ACOX1: variants seen among roughly 807,000 people sequenced by gnomAD.
The protein encoded by ACOX1 is acyl-CoA oxidase 1.
Under a neutral mutation model 75.5 loss-of-function variants are expected in ACOX1, and 41 were observed. That is an observed-to-expected ratio of 0.54 (90% confidence interval 0.42 to 0.70). ACOX1 has a LOEUF of 0.70. ACOX1 is among the 30% of genes least tolerant of loss of function. The pLI is 0.00. For missense variants in ACOX1, 630 were observed against 837.5 expected (o/e 0.75, Z 3.06); for synonymous variants, 303 against 298.8 (o/e 1.01, Z -0.15).
chr17:75,958,558 C>T (rs1194242208), intron 3 of ACOX1, among the ~76,000 whole-genome samples: 1 of 150,996 alleles, frequency 6.6e-6, no homozygotes, highest in African/African-American at 2.5e-5. Flanking sequence ...CCTGTAATCC[C>T]AGCACTTTGG....
Position 75,944,747 on chromosome 17 carries a change from A to G in ACOX1, c.*2001T>C, listed in dbSNP as rs2065704500. On this transcript the variant is annotated 3_prime_UTR_variant, in exon 14 of 14. Transcript: ENST00000293217. ...AAATAGCATCAAATGTCAGATTTAG[A>G]TTTTTTTTTTGAGACGGAGTCTCGC... The G allele has an allele frequency of 6.6e-6, 1 of 150,422 alleles. No homozygotes were observed. Among genetic ancestry groups the G allele is most frequent in the Non-Finnish European group, 1.5e-5 (1 of 67,428 alleles). 9.3% of individuals were successfully genotyped at this position (150,422 alleles called of 1,614,324 possible).
At chr17:75,951,929 C>T (rs1259377060) in intron 7 of ACOX1, among the ~76,000 whole-genome samples, 5 of 150,806 alleles carry the variant, frequency 3.3e-5, no homozygotes, top group Admixed American at 1.3e-4. Flanking sequence ...ATTCTCTTGC[C>T]TCAGCCTCCC....
intron 2 of ACOX1, among the ~76,000 whole-genome samples, chr17:75,975,397 G>C (rs1011037465): frequency 2.0e-5 from 3 of 152,136 alleles, no homozygotes; most frequent in East Asian, 3.9e-4. Flanking sequence ...GGCCTCAAGT[G>C]ATCTGCCCAC....
chr17:75,965,337 C>CAAAAAAAAA (rs11293371), intron 2 of ACOX1, among the ~76,000 whole-genome samples: 1 of 81,702 alleles, frequency 1.2e-5, no homozygotes, highest in Non-Finnish European at 2.6e-5. Context: ...GACTCTGTCT[C>CAAAAAAAAA]AAAAAAAAAA....
At chr17:75,972,327 CA>C (rs58820718) in intron 2 of ACOX1, among the ~76,000 whole-genome samples, 61,930 of 110,708 alleles carry the variant, frequency 0.56, 15,376 homozygotes, top group East Asian at 0.76. Flanking sequence ...ACTCTGTCTC[CA>C]AAAAAAAAAA....
chr17:75,961,759 C>CAAAAAA (rs61575984), intron 2 of ACOX1, among the ~76,000 whole-genome samples: 2 of 53,060 alleles, frequency 3.8e-5, no homozygotes, highest in Non-Finnish European at 8.0e-5. Flanking sequence ...GACTCTGTCT[C>CAAAAAA]AAAAAAAAAA....
In ACOX1 at chr17:75,943,236, T is replaced by G. The variant is rs1033255115; in HGVS notation, c.*3512A>C. On this transcript the variant is annotated 3_prime_UTR_variant, in exon 14 of 14. Transcript: ENST00000293217. ...CATCTCAAAAAAAAAAAAAAAAAAATTAACATGTTGGCCCAGTGCAGTAGC... is the reference window on the plus strand; with the variant it reads ...CATCTCAAAAAAAAAAAAAAAAAAAGTAACATGTTGGCCCAGTGCAGTAGC... 7.8e-6 allele frequency: 1 copy of G among 127,564 alleles called. No individual in the cohort carries two copies. The highest frequency in any genetic ancestry group is 3.0e-5 in the African/African-American group (1 of 33,610). 7.9% of individuals were successfully genotyped at this position (127,564 alleles called of 1,614,324 possible).
chr17:75,965,049 A>C (rs2065917847), intron 2 of ACOX1, among the ~76,000 whole-genome samples: 1 of 152,170 alleles, frequency 6.6e-6, no homozygotes, highest in Non-Finnish European at 1.5e-5. Context: ...AAAAAAAATT[A>C]ACAGCACTCA....
In ACOX1 at chr17:75,950,281, T is replaced by G. The variant is rs985257834; in HGVS notation, c.1299-384A>C. Among the ~76,000 whole-genome samples the G allele has an allele frequency of 2.7e-5, 4 of 150,846 alleles. No homozygotes were observed. Among genetic ancestry groups the G allele is most frequent in the African/African-American group, 9.8e-5 (4 of 40,926 alleles). The stretch of plus-strand genomic sequence containing the variant: ...TTTTTTTTGATGGAGTTTTCGCTCT[T>G]GTTGCCCAGGATGGAGTGCAATAGC... On this transcript the variant is annotated intron_variant, in intron 9 of 13. Transcript: ENST00000293217. The surrounding 1 kb of genome is among the most constrained non-coding windows in gnomAD (Gnocchi z 4.3).
chr17:75,957,004 T>C (rs796564932), intron 4 of ACOX1, among the ~76,000 whole-genome samples: 10,468 of 95,258 alleles, frequency 0.11, 1,159 homozygotes, highest in African/African-American at 0.24. Context: ...TATATATATA[T>C]ATATACACAC....
intron 13 of ACOX1, among the ~76,000 whole-genome samples, chr17:75,948,044 G>A (rs1042067375): frequency 5.3e-5 from 8 of 152,006 alleles, no homozygotes; most frequent in African/African-American, 1.2e-4. Flanking sequence ...TGTTCAATTC[G>A]TTATCAAAAA....
chr17:75,957,792 C>G (rs1303491815), intron 3 of ACOX1, among the ~76,000 whole-genome samples: 1 of 152,134 alleles, frequency 6.6e-6, no homozygotes, highest in Non-Finnish European at 1.5e-5. Context: ...CATGCATGTT[C>G]CATTTCTGTA....
chr17:75,976,960 A>ATAG (rs2066055916), intron 2 of ACOX1, among the ~76,000 whole-genome samples: 1 of 150,056 alleles, frequency 6.7e-6, no homozygotes, highest in Non-Finnish European at 1.5e-5. Flanking sequence ...GGATCATGTA[A>ATAG]TAGTGTTTGT....
chr17:75,956,972 TA>T (rs2065837253), intron 4 of ACOX1, among the ~76,000 whole-genome samples: 1 of 8,774 alleles, frequency 1.1e-4, no homozygotes, highest in South Asian at 9.8e-3. Context: ...TCTCTCTCTC[TA>T]TATATATATA....
intron 4 of ACOX1, among the ~76,000 whole-genome samples, chr17:75,957,172 C>G (rs2065841498): frequency 6.6e-6 from 1 of 151,510 alleles, no homozygotes; most frequent in African/African-American, 2.4e-5. Context: ...TGCAACCTTC[C>G]CGGGTTCAAG....
chr17:75,961,292 CAAA>C (rs34895245), intron 2 of ACOX1, among the ~76,000 whole-genome samples: 8 of 65,758 alleles, frequency 1.2e-4, no homozygotes, highest in Admixed American at 3.4e-4. Context: ...GACTCCATCT[CAAA>C]AAAAAAAAAA....
At chr17:75,968,605 G>GAAAAA (rs56009651) in intron 2 of ACOX1, among the ~76,000 whole-genome samples, 1 of 69,240 alleles carries the variant, frequency 1.4e-5, no homozygotes. Context: ...GACTCCGCCT[G>GAAAAA]AAAAAAAAAA....
At position 75,978,618 on chromosome 17, in the gene ACOX1, A is replaced by C; in HGVS notation, c.185T>G (p.Val62Gly). Reference sequence around the variant, plus strand: ...CATGATGGCACTTTTCCTGACAGCCACCTCATAACGCTGGCTGCGAGTGAG... The same window carrying C: ...CATGATGGCACTTTTCCTGACAGCCCCCTCATAACGCTGGCTGCGAGTGAG... ...NFLTRSQRYE[V>G]AVRKSAIMVK... is the part of the protein sequence containing the mutation. The change falls in exon 2 of 14, where the codon GTG becomes GGG. Residue 62 changes from valine (V) to glycine (G), a missense_variant. Physicochemically the swap from Val to Gly is moderately radical, Grantham distance 109. This residue lies in a region of ACOX1 where 390 missense variants were observed against 574.9 expected (regional missense o/e 0.68). Coordinates refer to ENST00000293217, the MANE Select transcript of ACOX1 (RefSeq NM_004035.7). The surrounding 1 kb of genome is among the most constrained non-coding windows in gnomAD (Gnocchi z 4.2). 1 of 1,614,192 alleles carries C rather than the reference A, an allele frequency of 6.2e-7. No homozygotes were observed. The highest frequency in any genetic ancestry group is 1.7e-4 in the Middle Eastern group (1 of 6,060).
At chr17:75,951,231 C>T (rs942321044) in intron 8 of ACOX1, among the ~76,000 whole-genome samples, 184 bp downstream of exon 8, 1 of 152,160 alleles carries the variant, frequency 6.6e-6, no homozygotes, top group Admixed American at 6.6e-5. Context: ...TTTCTGATAA[C>T]ACTAAAAATA....
Sources: gnomAD v4.1 joint callset for allele counts (sites outside exome capture counted in the v4.1 genomes callset) on GRCh38, gnomAD v4.1.1 for gene constraint, gnomAD v4.1.1 regional missense constraint, Gnocchi (gnomAD v3.1) non-coding constraint, MANE v1.5 for transcripts, NCBI Gene and HGNC (gene_info 2026-07-23, HGNC 2026-07-21) for gene names.